Variants in ZSCAN5A observed in about 807,000 individuals in gnomAD.
ZSCAN5A encodes the protein zinc finger and SCAN domain-containing protein 5A.
ZSCAN5A carries 12 observed loss-of-function variants against 23.7 expected under a neutral mutation model. The observed-to-expected ratio is 0.51, with a 90% CI of 0.32 to 0.82. ZSCAN5A has a LOEUF of 0.82. Among genes scored for constraint, ZSCAN5A ranks in the 40% least tolerant of loss-of-function variants. The probability of loss-of-function intolerance (pLI) is 0.03; values close to 1 mark genes in which losing one functional copy is unlikely to be tolerated. For missense variants in ZSCAN5A, 597 were observed against 617.9 expected, an observed-to-expected ratio of 0.97 and a Z score of 0.36; for synonymous variants, 257 against 239.9, an observed-to-expected ratio of 1.07 and a Z score of -0.66.
chr19:56,229,676 C>T (rs1011572350), intron 2 of ZSCAN5A, among the ~76,000 whole-genome samples: 2 of 152,146 alleles, frequency 1.3e-5, no homozygotes, highest in Admixed American at 1.3e-4. Context: ...GAGACCGCAT[C>T]GAATCTGCTG....
At chr19:56,300,479 A>G (rs1030469032) in intron 2 of ZSCAN5A, among the ~76,000 whole-genome samples, 1 of 152,214 alleles carries the variant, frequency 6.6e-6, no homozygotes, top group East Asian at 1.9e-4. Flanking sequence ...TGAGGTGCCC[A>G]CCAAAGTTAG....
At chr19:56,262,789 T>C (rs1356117618) in intron 2 of ZSCAN5A, among the ~76,000 whole-genome samples, 2 of 152,248 alleles carry the variant, frequency 1.3e-5, no homozygotes, top group East Asian at 1.9e-4. Flanking sequence ...TATGTATCGA[T>C]AGTTCATCCT....
chr19:56,284,126 T>C (rs181273943), intron 2 of ZSCAN5A: 1 of 984,526 alleles, frequency 1.0e-6, no homozygotes, highest in Admixed American at 6.1e-5. Context: ...TGTGACCTCT[T>C]GGGGACAACA....
At chr19:56,321,157 C>T (rs2041371557) in intron 2 of ZSCAN5A, 1 of 658,418 alleles carries the variant, frequency 1.5e-6, no homozygotes, top group African/African-American at 1.8e-5. Flanking sequence ...CTCACCTCAA[C>T]ATCACAGCTC....
At chr19:56,223,002 T>C (rs1665784295) in intron 4 of ZSCAN5A, among the ~76,000 whole-genome samples, 1 of 152,106 alleles carries the variant, frequency 6.6e-6, no homozygotes, top group African/African-American at 2.4e-5. Context: ...CTGAGCATAT[T>C]TCTCCCCGCC....
chr19:56,242,156 C>T (rs1264298878), intron 2 of ZSCAN5A, among the ~76,000 whole-genome samples: 4 of 152,232 alleles, frequency 2.6e-5, no homozygotes, highest in Middle Eastern at 3.4e-3. Context: ...CATCCCAGCA[C>T]GGGGCGCAGA....
intron 2 of ZSCAN5A, among the ~76,000 whole-genome samples, chr19:56,362,300 C>T (rs1354193232): frequency 1.3e-5 from 2 of 152,194 alleles, no homozygotes; most frequent in African/African-American, 4.8e-5. Flanking sequence ...GGCACTATGG[C>T]TTGTGCCTGT....
chr19:56,235,044 C>G (rs2034775999), intron 2 of ZSCAN5A, among the ~76,000 whole-genome samples: 1 of 151,824 alleles, frequency 6.6e-6, no homozygotes, highest in Non-Finnish European at 1.5e-5. Flanking sequence ...CAGAAGCCTC[C>G]ACTCCAGCCT....
chr19:56,331,748 C>T (rs1451409533), intron 2 of ZSCAN5A, among the ~76,000 whole-genome samples: 3 of 151,596 alleles, frequency 2.0e-5, no homozygotes, highest in African/African-American at 4.8e-5. Context: ...CCATCATGCC[C>T]GGCTAATTTT....
chr19:56,273,844 G>A (rs1600150981), intron 2 of ZSCAN5A, among the ~76,000 whole-genome samples: 1 of 152,138 alleles, frequency 6.6e-6, no homozygotes, highest in East Asian at 1.9e-4. Context: ...TTCAGCAAAG[G>A]AGTGTCATAT....
intron 2 of ZSCAN5A, among the ~76,000 whole-genome samples, chr19:56,255,989 A>T (rs1378302811): frequency 6.6e-6 from 1 of 152,244 alleles, no homozygotes; most frequent in Non-Finnish European, 1.5e-5. Context: ...TATTCCCATG[A>T]AACTTTTAAT....
At chr19:56,259,844 C>T (rs1327864737) in intron 2 of ZSCAN5A, among the ~76,000 whole-genome samples, 1 of 152,176 alleles carries the variant, frequency 6.6e-6, no homozygotes, top group Admixed American at 6.5e-5. Flanking sequence ...CATGGTGGCA[C>T]TTGACTGTGG....
intron 1 of ZSCAN5A, among the ~76,000 whole-genome samples, chr19:56,366,408 G>A (rs1212442159): frequency 1.4e-5 from 2 of 141,274 alleles, no homozygotes; most frequent in African/African-American, 2.7e-5. Flanking sequence ...GGGTGACACA[G>A]CGAGACTCTG....
chr19:56,234,975 C>A (rs1217765699), intron 2 of ZSCAN5A, among the ~76,000 whole-genome samples: 1 of 152,242 alleles, frequency 6.6e-6, no homozygotes, highest in Non-Finnish European at 1.5e-5. Context: ...CACTTGCAGC[C>A]AGTTCTAGGC....
rs550838686 is a variant in ZSCAN5A, at chr19:56,355,661, C to T, written c.-358+7574G>A. On this transcript the variant is annotated intron_variant, in intron 2 of 6. Transcript: ENST00000587340. ...GAAAATTCCAACTTGAACTTTGGCT[C>T]CAGACTGTGTTTATTGGCAAATAGT... Among the ~76,000 whole-genome samples, 16 of 149,184 alleles carry T rather than the reference C, an allele frequency of 1.1e-4. 3 individuals are homozygous for T. In the South Asian group the frequency reaches 3.4e-3, roughly 32 times the overall value.
At chr19:56,323,686 G>C (rs1015551491) in intron 2 of ZSCAN5A, among the ~76,000 whole-genome samples, 9 of 151,710 alleles carry the variant, frequency 5.9e-5, no homozygotes, top group Non-Finnish European at 1.2e-4. Flanking sequence ...ACAGGCATGC[G>C]CCACCACAGC....
chr19:56,239,475 G>A (rs2035239884), intron 2 of ZSCAN5A, among the ~76,000 whole-genome samples: 1 of 152,168 alleles, frequency 6.6e-6, no homozygotes, highest in South Asian at 2.1e-4. Flanking sequence ...TGAGAACCAG[G>A]GAACCCTGTA....
chr19:56,367,658 C>T (rs993253462), intron 1 of ZSCAN5A, among the ~76,000 whole-genome samples: 2 of 152,230 alleles, frequency 1.3e-5, no homozygotes, highest in African/African-American at 4.8e-5. Context: ...TTTATGAGCA[C>T]TTAATCCTCG....
chr19:56,288,122 G>C (rs2147127440), intron 2 of ZSCAN5A, among the ~76,000 whole-genome samples: 1 of 152,292 alleles, frequency 6.6e-6, no homozygotes. Context: ...TGGGTCCATG[G>C]TGTCCGCTGT....
Sources: gnomAD v4.1 joint callset for allele counts (sites outside exome capture counted in the v4.1 genomes callset) on GRCh38, gnomAD v4.1.1 for gene constraint, MANE v1.5 for transcripts, NCBI Gene and HGNC (gene_info 2026-07-23, HGNC 2026-07-21) for gene names.